SPECC1: variants seen among roughly 807,000 people sequenced by gnomAD.
SPECC1 encodes the protein sperm antigen with calponin homology and coiled-coil domains 1, also known as cytospin-B.
In SPECC1, 62 loss-of-function variants were observed where a neutral mutation model predicts 104.1. That is an observed-to-expected ratio of 0.60 (90% CI 0.49 to 0.74). The LOEUF is 0.74. Among genes scored for constraint, SPECC1 ranks in the 30% least tolerant of loss-of-function variants. The pLI, the probability that SPECC1 is intolerant of heterozygous loss-of-function variation, is 0.00. For missense variants in SPECC1, 1,306 were observed against 1,310.5 expected, an observed-to-expected ratio of 1.00 and a Z score of 0.05; for synonymous variants, 513 against 501.6, an observed-to-expected ratio of 1.02 and a Z score of -0.30.
Position 20,260,170 on chromosome 17 carries a change from ATG to A in SPECC1, c.2838-19_2838-18del. 6.3e-7 allele frequency: 1 copy of A among 1,591,258 alleles called. No individual in the cohort carries two copies. The highest frequency in any genetic ancestry group is 1.1e-5 in the South Asian group (1 of 89,854). On this transcript the variant is annotated intron_variant, in intron 11 of 14. Coordinates refer to ENST00000395527, the MANE Select transcript of SPECC1 (RefSeq NM_001243439.2). ...TAAGTATTAGCATCTTCTCCTTACC[ATG>A]TGCTCTTCTTTCTAACCAGTGTGGA...
chr17:20,240,331 G>A (rs2039145845), intron 7 of SPECC1, among the ~76,000 whole-genome samples: 1 of 151,518 alleles, frequency 6.6e-6, no homozygotes, highest in Admixed American at 6.6e-5. Flanking sequence ...TTTCTCATCA[G>A]CTTATAAGTC....
chr17:20,306,901 A>G (rs1307294536), intron 14 of SPECC1, among the ~76,000 whole-genome samples: 1 of 152,116 alleles, frequency 6.6e-6, no homozygotes, highest in Non-Finnish European at 1.5e-5. Flanking sequence ...AGGATTATCT[A>G]CCAGAACTTG....
chr17:20,034,729 C>G (rs2044991154), intron 1 of SPECC1, among the ~76,000 whole-genome samples: 1 of 151,786 alleles, frequency 6.6e-6, no homozygotes, highest in African/African-American at 2.4e-5. Context: ...CCTCAGCCTC[C>G]CAAGTAGCTG....
At chr17:20,091,532 C>T (rs774978691) in intron 1 of SPECC1, among the ~76,000 whole-genome samples, 3 of 152,180 alleles carry the variant, frequency 2.0e-5, no homozygotes, top group Non-Finnish European at 4.4e-5. Context: ...AGTAGCACCC[C>T]AAGTTGTGAC....
chr17:20,037,458 CT>C (rs1244478857), intron 1 of SPECC1, among the ~76,000 whole-genome samples: 1 of 150,586 alleles, frequency 6.6e-6, no homozygotes, highest in African/African-American at 2.4e-5. Context: ...GCCCAGTTTT[CT>C]TTTTTTATAC....
intron 1 of SPECC1, among the ~76,000 whole-genome samples, chr17:20,037,039 A>G (rs886850959): frequency 6.6e-6 from 1 of 152,096 alleles, no homozygotes; most frequent in Non-Finnish European, 1.5e-5. Context: ...ATTTTGGCAA[A>G]TGCTTTTTTC....
At chr17:20,184,924 G>C (rs2035157505) in intron 3 of SPECC1, among the ~76,000 whole-genome samples, 1 of 152,242 alleles carries the variant, frequency 6.6e-6, no homozygotes, top group Non-Finnish European at 1.5e-5. Context: ...GTTTTCAGTG[G>C]AGTGAAGAAA....
chr17:20,305,780 T>A, intron 13 of SPECC1: 1 of 436,822 alleles, frequency 2.3e-6, no homozygotes, highest in Admixed American at 4.0e-5. Flanking sequence ...TACCTAAATC[T>A]TGACAAAGGT....
In SPECC1 at chr17:20,217,326, T is replaced by C. The variant is rs547246287; in HGVS notation, c.1864-10087T>C. ...AGCTTTCTGGAATATATTGTTAAAC[T>C]TGAGATAGTTATTCCAACATCCAAG... On this transcript the variant is annotated intron_variant, in intron 4 of 14. Coordinates refer to ENST00000395527, the MANE Select transcript of SPECC1 (RefSeq NM_001243439.2). Among the ~76,000 whole-genome samples the C allele has an allele frequency of 2.0e-5, 3 of 151,958 alleles. No homozygotes were observed. The South Asian group carries it at 6.3e-4, about 32-fold the overall frequency.
chr17:20,100,610 A>AT (rs1341067600), intron 2 of SPECC1, among the ~76,000 whole-genome samples: 9 of 152,222 alleles, frequency 5.9e-5, no homozygotes, highest in African/African-American at 2.2e-4. Context: ...GTAGAACTGA[A>AT]TACCTGACTT....
At chr17:20,182,113 C>CTTTTTTT (rs764269851) in intron 3 of SPECC1, among the ~76,000 whole-genome samples, 6 of 46,382 alleles carry the variant, frequency 1.3e-4, no homozygotes, top group South Asian at 9.3e-4. Flanking sequence ...CTTTTTCTTT[C>CTTTTTTT]TTTTTCTTTT....
At chr17:20,099,508 A>G (rs71369457) in intron 2 of SPECC1, among the ~76,000 whole-genome samples, 1 of 81,722 alleles carries the variant, frequency 1.2e-5, no homozygotes, top group African/African-American at 4.8e-5. Flanking sequence ...TCCTGTCTTT[A>G]CCCAAAAAAA....
intron 3 of SPECC1, among the ~76,000 whole-genome samples, chr17:20,121,660 C>G (rs1465903997): frequency 1.3e-5 from 2 of 152,196 alleles, no homozygotes; most frequent in African/African-American, 2.4e-5. Context: ...CTTTTTCTCC[C>G]TGAGGTGTCC....
At chr17:20,049,063 A>G (rs886184156) in intron 1 of SPECC1, among the ~76,000 whole-genome samples, 2 of 152,138 alleles carry the variant, frequency 1.3e-5, no homozygotes, top group Admixed American at 6.5e-5. Flanking sequence ...AAGCACAACC[A>G]TATAGAACAC....
At chr17:20,139,666 CTTAT>C (rs750469139) in intron 3 of SPECC1, among the ~76,000 whole-genome samples, 8 of 152,152 alleles carry the variant, frequency 5.3e-5, no homozygotes, top group South Asian at 2.1e-4. Context: ...TCTTACACTT[CTTAT>C]TTATTTATTT....
rs1020929293 is a variant in SPECC1, at chr17:20,238,383, G to T, written c.2351+5978G>T. On this transcript the variant is annotated intron_variant, in intron 7 of 14. Transcript: ENST00000395527. ...TTTGTGAAGATCCAAATCCAATTCA[G>T]CAACCTCCATCAGGCAGAAACCTTC... The T allele has an allele frequency of 1.3e-5, 14 of 1,041,600 alleles. No homozygotes were observed. In the African/African-American group the frequency reaches 2.3e-4, roughly 17 times the overall value. The allele number at this position is 1,041,600 out of a possible 1,614,324, so 64.5% of individuals were successfully genotyped here. A position where few individuals can be genotyped will look rare whatever the true frequency, so the allele number is the denominator to read the frequency against.
chr17:20,126,621 C>T (rs2049323132), intron 3 of SPECC1: 1 of 152,222 alleles, frequency 6.6e-6, no homozygotes, highest in Admixed American at 6.5e-5. Context: ...GTCATATCAG[C>T]TGCAGATAAC....
chr17:20,188,296 T>A (rs2035418592), intron 3 of SPECC1, among the ~76,000 whole-genome samples: 1 of 151,926 alleles, frequency 6.6e-6, no homozygotes, highest in East Asian at 1.9e-4. Context: ...TCTCACTTTG[T>A]CACCCAGGCT....
intron 4 of SPECC1, among the ~76,000 whole-genome samples, chr17:20,219,417 T>C (rs1023855024): frequency 2.0e-5 from 3 of 152,212 alleles, no homozygotes; most frequent in Admixed American, 2.0e-4. Context: ...TTTGCATTTC[T>C]CTGATGATCA....
Sources: allele counts gnomAD v4.1 joint callset (sites outside exome capture counted in the v4.1 genomes callset), GRCh38; gene constraint gnomAD v4.1.1; transcripts MANE v1.5; gene names NCBI Gene and HGNC (gene_info 2026-07-23, HGNC 2026-07-21).